Variants in BLM observed in about 807,000 individuals in gnomAD.
BLM encodes recQ-like DNA helicase BLM.
A neutral mutation model predicts 135.3 loss-of-function variants in BLM; 95 were observed. The observed-to-expected ratio is 0.70, with a 90% CI of 0.59 to 0.83. The LOEUF is 0.83. BLM is among the 40% of genes least tolerant of loss of function. The pLI is 0.00. For missense variants in BLM, 1,518 were observed against 1,663.9 expected (o/e 0.91, Z 1.53); for synonymous variants, 520 against 589.2 (o/e 0.88, Z 1.70).
At chr15:90,763,214 C>T in intron 8 of BLM, 57 bp downstream of exon 8, 3 of 1,566,916 alleles carry the variant, frequency 1.9e-6, no homozygotes, top group Non-Finnish European at 2.6e-6. Flanking sequence ...TAAATGAAAG[C>T]TCTTTAATAG....
Position 90,811,358 on chromosome 15 carries a change from A to G in BLM, c.4028A>G (p.Gln1343Arg), listed in dbSNP as rs2151199942. ...ERKRKKMPAS[Q>R]RSKRRKTASS... The stretch of plus-strand genomic sequence containing the variant: ...AAGAGGAAAAAGATGCCAGCCTCCC[A>G]AAGGTCTAAGAGGAGAAAAACTGCT... Residue 1343 changes from glutamine (Q) to arginine (R), a missense_variant, in exon 21 of 22, where the codon CAA (glutamine) becomes CGA (arginine). Gln to Arg is a conservative substitution (Grantham distance 43). Transcript: ENST00000355112. The G allele has an allele frequency of 4.3e-6, 7 of 1,614,196 alleles. No homozygotes were observed. Among genetic ancestry groups the G allele is most frequent in the Non-Finnish European group, 5.9e-6 (7 of 1,180,044 alleles).
chr15:90,751,719 C>T (rs1206113018), intron 3 of BLM, 68 bp from the exon 4 acceptor site: 2 of 1,396,838 alleles, frequency 1.4e-6, no homozygotes, highest in East Asian at 2.3e-5. Flanking sequence ...TTCTTAATCG[C>T]TCATGCCCTG....
chr15:90,773,835 A>T (rs563097068), intron 12 of BLM, among the ~76,000 whole-genome samples: 1 of 152,240 alleles, frequency 6.6e-6, no homozygotes, highest in Non-Finnish European at 1.5e-5. Flanking sequence ...TTCAGATAAT[A>T]TTCCATTTTA....
chr15:90,764,843 A>T (rs1199266846), intron 8 of BLM, among the ~76,000 whole-genome samples: 1 of 152,042 alleles, frequency 6.6e-6, no homozygotes, highest in African/African-American at 2.4e-5. Context: ...GCACTTTGGG[A>T]GGCTGAGGCA....
chr15:90,764,356 C>A (rs1896065844), intron 8 of BLM, among the ~76,000 whole-genome samples: 1 of 150,030 alleles, frequency 6.7e-6, no homozygotes, highest in Admixed American at 6.6e-5. Context: ...ATTTTTATTT[C>A]TTATTATTTT....
At position 90,759,413 on chromosome 15, in the gene BLM, TA is replaced by T. The variant is rs879724551; in HGVS notation, c.1088-720del. 2.9e-3 allele frequency among the ~76,000 whole-genome samples: 387 copies of T among 135,660 alleles called. 1 individual carries two copies. The highest frequency in any genetic ancestry group is 4.0e-3 in the Admixed American group (54 of 13,492). 89.0% of individuals were successfully genotyped at this position (135,660 alleles called of 152,430 possible). A position where few individuals can be genotyped will look rare whatever the true frequency, so the allele number is the denominator to read the frequency against. ...CCTGTCTCTACAAAAAATAATTAATTAAAAAAAAAAAAAAGAAGAAGATGTG... is the reference window on the plus strand; with the variant it reads ...CCTGTCTCTACAAAAAATAATTAATTAAAAAAAAAAAAAGAAGAAGATGTG... On this transcript the variant is annotated intron_variant, in intron 5 of 21. Transcript: ENST00000355112.
chr15:90,748,854 T>C (rs1188503438), intron 2 of BLM, among the ~76,000 whole-genome samples: 1 of 151,082 alleles, frequency 6.6e-6, no homozygotes, highest in Non-Finnish European at 1.5e-5. Context: ...ACCTCCTGGG[T>C]TCAAGCTATT....
At position 90,763,140 on chromosome 15, in the gene BLM, T is replaced by G; in HGVS notation, c.2057T>G (p.Phe686Cys). Residue 686 changes from phenylalanine (F) to cysteine (C), a missense_variant, in exon 8 of 22, where the codon TTT becomes TGT. Around this residue, in one of 5 missense-constraint regions of BLM, gnomAD observed 13 missense variants for 35.8 expected, o/e 0.36. Coordinates refer to ENST00000355112, the MANE Select transcript of BLM (RefSeq NM_000057.4). ...GCTGCACTGCTTGGTGAAGACTGTT[T>G]TATCCTGATGCCGACTGGTATGTAT... ...INAALLGEDC[F>C]ILMPTGGGKS... 6.2e-7 allele frequency: 1 copy of G among 1,614,050 alleles called. No individual in the cohort carries two copies.
chr15:90,790,974 GA>G, intron 15 of BLM, 130 bp downstream of exon 15: 1 of 893,298 alleles, frequency 1.1e-6, no homozygotes, highest in Non-Finnish European at 1.7e-6. Context: ...AGTTTATACA[GA>G]TTGGCAATTT....
chr15:90,791,720 C>A (rs188630590), intron 15 of BLM, among the ~76,000 whole-genome samples: 2 of 152,002 alleles, frequency 1.3e-5, no homozygotes, highest in African/African-American at 4.8e-5. Flanking sequence ...CTCACTGCAA[C>A]CTCCGCCTCC....
At position 90,786,856 on chromosome 15, in the gene BLM, G is replaced by A. The variant is rs190657118; in HGVS notation, c.2823+1775G>A. Reference sequence around the variant, plus strand: ...TCGTGAACTCCTGACCTCATGATCCGCCCACCTCAGCCCCCCAAAGTGCTG... The same window carrying A: ...TCGTGAACTCCTGACCTCATGATCCACCCACCTCAGCCCCCCAAAGTGCTG... On this transcript the variant is annotated intron_variant, in intron 14 of 21. Coordinates refer to ENST00000355112, the MANE Select transcript of BLM (RefSeq NM_000057.4). Among the ~76,000 whole-genome samples the A allele has an allele frequency of 2.8e-3, 419 of 151,648 alleles. 2 individuals carry two copies. The highest frequency in any genetic ancestry group is 9.5e-3 in the African/African-American group (394 of 41,344).
chr15:90,769,694 C>A, intron 12 of BLM, 108 bp downstream of exon 12: 1 of 1,341,894 alleles, frequency 7.5e-7, no homozygotes, highest in Non-Finnish European at 1.0e-6. Context: ...CCACCCCCAC[C>A]CCACCCCCAT....
rs1895700567 is a variant in BLM at position 90,752,000 on chromosome 15, GTTTAA to G, written c.959+59_959+63del. The G allele has an allele frequency of 7.1e-6, 10 of 1,411,732 alleles. No individual in the cohort carries two copies. In the Admixed American group the frequency reaches 1.0e-4, roughly 15 times the overall value. 87.5% of individuals were successfully genotyped at this position (1,411,732 alleles called of 1,614,324 possible). A position where few individuals can be genotyped will look rare whatever the true frequency, so the allele number is the denominator to read the frequency against. ...ATTTGTTTCTGGGATACTTTAAATT[GTTTAA>G]TTTAGTTTATAATATCATTTCTATA... On this transcript the variant is annotated intron_variant, in intron 4 of 21. Coordinates refer to ENST00000355112, the MANE Select transcript of BLM (RefSeq NM_000057.4).
intron 12 of BLM, among the ~76,000 whole-genome samples, chr15:90,781,346 C>T (rs994213474): frequency 6.6e-6 from 1 of 152,078 alleles, no homozygotes; most frequent in Non-Finnish European, 1.5e-5. Flanking sequence ...ACTAACTGGC[C>T]GGGTATGGTG....
chr15:90,795,034 C>T (rs1043633300), intron 16 of BLM, among the ~76,000 whole-genome samples: 3 of 152,182 alleles, frequency 2.0e-5, no homozygotes, highest in Non-Finnish European at 4.4e-5. Flanking sequence ...CTGTAACCTA[C>T]TGCTTACTGA....
chr15:90,768,916 G>A (rs1053736411), intron 10 of BLM, among the ~76,000 whole-genome samples: 1 of 152,108 alleles, frequency 6.6e-6, no homozygotes, highest in Admixed American at 6.6e-5. Flanking sequence ...AGTAAAGGTG[G>A]GGTTTCACCA....
At position 90,769,680 on chromosome 15, in the gene BLM, C is replaced by G. The variant is rs891048283; in HGVS notation, c.2555+94C>G. 5.7e-6 allele frequency: 8 copies of G among 1,401,710 alleles called. No individual in the cohort carries two copies. The Admixed American group carries it at 1.2e-4, about 21-fold the overall frequency. The allele number at this position is 1,401,710 out of a possible 1,614,324, so 86.8% of individuals were successfully genotyped here. The stretch of plus-strand genomic sequence containing the variant: ...ATCACCTGTGGCGCTTTAACGCCAC[C>G]ACCCCACCCCCACCCCACCCCCATG... On this transcript the variant is annotated intron_variant, in intron 12 of 21. Transcript: ENST00000355112.
At chr15:90,735,373 A>G (rs72751825) in intron 1 of BLM, among the ~76,000 whole-genome samples, 98 of 151,200 alleles carry the variant, frequency 6.5e-4, no homozygotes, top group Non-Finnish European at 9.4e-4. Context: ...TCTAAAGTTC[A>G]TATAGAAAAA....
At chr15:90,748,808 A>AGTGC (rs1895580743) in intron 2 of BLM, among the ~76,000 whole-genome samples, 1 of 147,210 alleles carries the variant, frequency 6.8e-6, no homozygotes, top group Non-Finnish European at 1.5e-5. Context: ...CCCAGGCTGG[A>AGTGC]GTGCGGCAGT....
Sources: gnomAD v4.1 joint callset for allele counts (sites outside exome capture counted in the v4.1 genomes callset) on GRCh38, gnomAD v4.1.1 for gene constraint, gnomAD v4.1.1 regional missense constraint, MANE v1.5 for transcripts, NCBI Gene and HGNC (gene_info 2026-07-23, HGNC 2026-07-21) for gene names.